PRICKLE2: variants seen among roughly 807,000 people sequenced by gnomAD.
PRICKLE2 encodes prickle planar cell polarity protein 2.
In PRICKLE2, 21 loss-of-function variants were observed where a neutral mutation model predicts 81.4. That is an observed-to-expected ratio of 0.26 (90% CI 0.18 to 0.37). The LOEUF (loss-of-function observed/expected upper bound fraction) is 0.37, where lower values mean the gene tolerates loss of function less well. PRICKLE2 is among the 10% of genes least tolerant of loss of function. The pLI is 1.00. For missense variants in PRICKLE2, 940 were observed against 1,109.0 expected, an observed-to-expected ratio of 0.85 and a Z score of 2.16; for synonymous variants, 456 against 421.5, an observed-to-expected ratio of 1.08 and a Z score of -1.00.
intron 7 of PRICKLE2, among the ~76,000 whole-genome samples, chr3:64,119,412 T>C (rs2076991455): frequency 6.6e-6 from 1 of 152,078 alleles, no homozygotes; most frequent in South Asian, 2.1e-4. Flanking sequence ...GAAAAGACAC[T>C]TCTCAAAAGA....
intron 2 of PRICKLE2, among the ~76,000 whole-genome samples, chr3:64,165,540 G>A (rs919079596): frequency 3.9e-5 from 6 of 152,282 alleles, no homozygotes; most frequent in Admixed American, 1.3e-4. Context: ...TCCTGGACTA[G>A]GTCTTGCTCT....
At chr3:64,250,573 T>G (rs948032138) in intron 2 of PRICKLE2, among the ~76,000 whole-genome samples, 1 of 152,158 alleles carries the variant, frequency 6.6e-6, no homozygotes, top group African/African-American at 2.4e-5. Context: ...AGTAGGTGTT[T>G]TTGGTGGAGA....
chr3:64,238,889 A>C lies in PRICKLE2; in HGVS notation c.129-39922T>G, dbSNP rs191596490. ...TGCTCTGTACAGCGAGGGCATCTGA[A>C]GCCCTCTGATTTGAGTGGCCATCAG... On this transcript the variant is annotated intron_variant, in intron 2 of 8. Transcript: ENST00000295902. 4.6e-5 allele frequency among the ~76,000 whole-genome samples: 7 copies of C among 152,320 alleles called. No individual in the cohort carries two copies. In the East Asian group the frequency reaches 1.4e-3, roughly 29 times the overall value.
intron 2 of PRICKLE2, among the ~76,000 whole-genome samples, chr3:64,180,440 C>T (rs1157036690): frequency 6.6e-6 from 1 of 152,144 alleles, no homozygotes; most frequent in Non-Finnish European, 1.5e-5. Context: ...CATACTGAAA[C>T]TCTGTACTCA....
At chr3:64,210,306 C>CT (rs2078764463) in intron 1 of PRICKLE2, among the ~76,000 whole-genome samples, 1 of 152,108 alleles carries the variant, frequency 6.6e-6, no homozygotes, top group Admixed American at 6.6e-5. Context: ...TGTTTTTCCC[C>CT]TTTTTTGGCA....
chr3:64,133,568 T>C (rs563494081), intron 7 of PRICKLE2, among the ~76,000 whole-genome samples: 1 of 151,036 alleles, frequency 6.6e-6, no homozygotes, highest in East Asian at 1.9e-4. Flanking sequence ...GAATTCTCTG[T>C]GAAGTTAATT....
At chr3:64,129,653 G>A (rs1410121530) in intron 7 of PRICKLE2, among the ~76,000 whole-genome samples, 1 of 152,158 alleles carries the variant, frequency 6.6e-6, no homozygotes, top group East Asian at 1.9e-4. Context: ...ACAAGGAGAA[G>A]AGAGACCCAT....
intron 2 of PRICKLE2, among the ~76,000 whole-genome samples, chr3:64,237,442 C>A (rs534957437): frequency 6.6e-6 from 1 of 152,012 alleles, no homozygotes; most frequent in Non-Finnish European, 1.5e-5. Context: ...CATCTCCGGC[C>A]GAACTCTTCT....
intron 2 of PRICKLE2, among the ~76,000 whole-genome samples, chr3:64,250,046 T>G (rs2079423633): frequency 6.6e-6 from 1 of 152,160 alleles, no homozygotes; most frequent in Non-Finnish European, 1.5e-5. Context: ...ACATTCACAT[T>G]CACTTCCCTT....
chr3:64,189,700 G>A (rs2078297433), intron 2 of PRICKLE2, among the ~76,000 whole-genome samples: 2 of 152,202 alleles, frequency 1.3e-5, no homozygotes, highest in Admixed American at 1.3e-4. Context: ...CATGTGCCCA[G>A]CATTATTTTT....
chr3:64,147,215 T>C lies in PRICKLE2; in HGVS notation c.1275A>G (p.Arg425=). The change falls in exon 7 of 8, where the codon AGA becomes AGG. Residue 425 remains arginine (R), a synonymous_variant. Transcript: ENST00000638394. The surrounding 1 kb of genome is among the most constrained non-coding windows in gnomAD (Gnocchi z 5.0). ...CTTGCCCTCCTGGACTGTAGGAAGTTCTGATGTTGCACTGGCTGAGGAGCT... is the reference window on the plus strand; with the variant it reads ...CTTGCCCTCCTGGACTGTAGGAAGTCCTGATGTTGCACTGGCTGAGGAGCT... ...PLQLLSQCNI[R]TSYSPGGQGA... is the part of the protein sequence containing the mutation. The C allele has an allele frequency of 6.2e-7, 1 of 1,610,836 alleles. No individual in the cohort carries two copies. The highest frequency in any genetic ancestry group is 8.5e-7 in the Non-Finnish European group (1 of 1,178,080).
intron 2 of PRICKLE2, among the ~76,000 whole-genome samples, chr3:64,265,709 A>G (rs527562021): frequency 2.2e-4 from 33 of 152,194 alleles, no homozygotes; most frequent in Non-Finnish European, 4.1e-4. Flanking sequence ...CTCTGCAAAC[A>G]GCTCCACAAA....
In PRICKLE2 at chr3:64,253,883, G is replaced by C. The variant is rs367893821; in HGVS notation, c.129-54916C>G. On this transcript the variant is annotated intron_variant, in intron 2 of 8. Transcript: ENST00000295902. Reference sequence around the variant, plus strand: ...GATCCGCTGGCCAGTGTCATGAGAGGAGTTTCAAGGTGAGGGGCCTGCTGG... The same window carrying C: ...GATCCGCTGGCCAGTGTCATGAGAGCAGTTTCAAGGTGAGGGGCCTGCTGG... Among the ~76,000 whole-genome samples, 18 of 152,288 alleles carry C rather than the reference G, an allele frequency of 1.2e-4. 1 individual carries two copies. The South Asian group carries it at 3.5e-3, about 30-fold the overall frequency.
At chr3:64,128,192 A>G (rs1265795062) in intron 7 of PRICKLE2, among the ~76,000 whole-genome samples, 8 of 152,306 alleles carry the variant, frequency 5.3e-5, no homozygotes, top group Middle Eastern at 3.4e-3. Flanking sequence ...GAGTGCCCAC[A>G]GCGGATTCAG....
intron 2 of PRICKLE2, among the ~76,000 whole-genome samples, chr3:64,192,962 A>C (rs2078372807): frequency 6.6e-6 from 1 of 152,200 alleles, no homozygotes; most frequent in Non-Finnish European, 1.5e-5. Context: ...TGGAGCAGCA[A>C]GGACGAGAAC....
At chr3:64,262,285 G>C (rs1010188572) in intron 2 of PRICKLE2, among the ~76,000 whole-genome samples, 9 of 152,136 alleles carry the variant, frequency 5.9e-5, no homozygotes, top group Admixed American at 5.9e-4. Context: ...GAGAGGGTAA[G>C]AGAAAGAGAA....
intron 7 of PRICKLE2, among the ~76,000 whole-genome samples, chr3:64,122,560 G>T (rs1318990416): frequency 6.6e-6 from 1 of 152,178 alleles, no homozygotes; most frequent in Non-Finnish European, 1.5e-5. Flanking sequence ...AAATGATCAG[G>T]TTTCCCAGCA....
chr3:64,141,660 G>T, intron 7 of PRICKLE2: 1 of 258,754 alleles, frequency 3.9e-6, no homozygotes, highest in Non-Finnish European at 6.0e-6. Flanking sequence ...TTTCCAAGGA[G>T]AAGGGACTGT....
chr3:64,248,433 G>A (rs971670980), intron 2 of PRICKLE2, among the ~76,000 whole-genome samples: 10 of 152,088 alleles, frequency 6.6e-5, no homozygotes, highest in Non-Finnish European at 1.0e-4. Context: ...TGTGGATGCC[G>A]GGACACCCAC....
Sources: gnomAD v4.1 joint callset for allele counts (sites outside exome capture counted in the v4.1 genomes callset) on GRCh38, gnomAD v4.1.1 for gene constraint, Gnocchi (gnomAD v3.1) non-coding constraint, MANE v1.5 for transcripts, NCBI Gene and HGNC (gene_info 2026-07-23, HGNC 2026-07-21) for gene names.